Variants in SYT1 observed in about 807,000 individuals in gnomAD.
SYT1 encodes synaptotagmin-1.
In SYT1, 8 loss-of-function variants were observed where a neutral mutation model predicts 44.8. The ratio of observed to expected loss-of-function variants is 0.18; its 90% CI spans 0.10 to 0.32. The LOEUF (loss-of-function observed/expected upper bound fraction) is 0.32. SYT1 is among the 10% of genes least tolerant of loss of function. The pLI is 1.00. For synonymous variants in SYT1, 154 were observed against 188.8 expected (o/e 0.82, Z 1.51); for missense variants, 286 against 509.3 (o/e 0.56, Z 4.22).
intron 3 of SYT1, among the ~76,000 whole-genome samples, chr12:79,204,146 G>A (rs544617213): frequency 6.6e-6 from 1 of 152,182 alleles, no homozygotes; most frequent in Non-Finnish European, 1.5e-5. Flanking sequence ...CCTGACTCAT[G>A]AGGTTTATTT....
intron 3 of SYT1, among the ~76,000 whole-genome samples, chr12:79,117,735 A>G (rs1322277425): frequency 1.5e-5 from 2 of 133,912 alleles, no homozygotes; most frequent in Admixed American, 1.6e-4. Context: ...GGTTGCATAC[A>G]GAAGATTTTC....
intron 1 of SYT1, among the ~76,000 whole-genome samples, chr12:78,902,705 T>A (rs1875731131): frequency 6.6e-6 from 1 of 152,010 alleles, no homozygotes; most frequent in South Asian, 2.1e-4. Flanking sequence ...CATAAGAAAT[T>A]TAAGTTTATT....
intron 1 of SYT1, among the ~76,000 whole-genome samples, chr12:78,934,673 T>C (rs1372570777): frequency 6.6e-6 from 1 of 152,064 alleles, no homozygotes; most frequent in African/African-American, 2.4e-5. Context: ...AAGAAAGAAG[T>C]TGAAGTGGAA....
chr12:79,338,186 T>A (rs1013645985), intron 8 of SYT1, among the ~76,000 whole-genome samples: 9 of 152,104 alleles, frequency 5.9e-5, no homozygotes, highest in Admixed American at 1.3e-4. Flanking sequence ...ACCTACCATC[T>A]TCCCCATTTT....
chr12:79,145,867 C>G (rs1003168362), intron 3 of SYT1, among the ~76,000 whole-genome samples: 2 of 151,254 alleles, frequency 1.3e-5, no homozygotes, highest in Non-Finnish European at 3.0e-5. Flanking sequence ...ACGCCATTCT[C>G]CTGCCTCAGC....
chr12:78,898,611 A>C (rs1402691761), intron 1 of SYT1, among the ~76,000 whole-genome samples: 1 of 151,992 alleles, frequency 6.6e-6, no homozygotes, highest in Non-Finnish European at 1.5e-5. Context: ...AGAATTCATG[A>C]TTGTTTTTTC....
intron 3 of SYT1, 85 bp from the exon 4 acceptor site, chr12:79,217,418 T>G: frequency 8.2e-7 from 1 of 1,215,976 alleles, no homozygotes. Context: ...CCACCTCTGA[T>G]GTTGTTTCAT....
At chr12:79,318,049 A>C (rs1228423899) in intron 8 of SYT1, among the ~76,000 whole-genome samples, 1 of 152,216 alleles carries the variant, frequency 6.6e-6, no homozygotes, top group Non-Finnish European at 1.5e-5. Flanking sequence ...GCTACCAAAA[A>C]TGTATGGTTC....
At chr12:79,011,606 T>C (rs1348761446) in intron 2 of SYT1, among the ~76,000 whole-genome samples, 4 of 151,336 alleles carry the variant, frequency 2.6e-5, no homozygotes, top group Non-Finnish European at 5.9e-5. Context: ...TAGGGAAGAA[T>C]TTTTAAAACA....
At position 79,029,560 on chromosome 12, in the gene SYT1, A is replaced by G. The variant is rs527548488; in HGVS notation, c.-83-17737A>G. ...CTTCTGATTTGGTGATTAATTTAGCATCACTTGTGAAATTAGTGAAATTAA... is the reference window on the plus strand; with the variant it reads ...CTTCTGATTTGGTGATTAATTTAGCGTCACTTGTGAAATTAGTGAAATTAA... On this transcript the variant is annotated intron_variant, in intron 2 of 10. Transcript: ENST00000261205. 6.6e-5 allele frequency among the ~76,000 whole-genome samples: 10 copies of G among 151,304 alleles called. No individual in the cohort carries two copies. In the South Asian group the frequency reaches 2.1e-3, roughly 31 times the overall value.
At chr12:78,997,236 T>C (rs1048220470) in intron 2 of SYT1, among the ~76,000 whole-genome samples, 3 of 152,200 alleles carry the variant, frequency 2.0e-5, no homozygotes, top group Non-Finnish European at 2.9e-5. Context: ...AACAAAAACA[T>C]GGCCCGTGGG....
chr12:79,025,531 C>G (rs935541235), intron 2 of SYT1, among the ~76,000 whole-genome samples: 3 of 151,544 alleles, frequency 2.0e-5, no homozygotes, highest in Non-Finnish European at 4.4e-5. Flanking sequence ...TCGAAGTACA[C>G]TGTGTCAGAT....
Position 79,313,996 on chromosome 12 carries a change from C to T in SYT1, c.810+14445C>T, listed in dbSNP as rs1477203403. Reference sequence around the variant, plus strand: ...CATCCTGGTTAACACGGTGAAACCCCGTCTCTACTAAAAATACAAAAAATT... The same window carrying T: ...CATCCTGGTTAACACGGTGAAACCCTGTCTCTACTAAAAATACAAAAAATT... On this transcript the variant is annotated intron_variant, in intron 8 of 10. Transcript: ENST00000261205. 3.3e-5 allele frequency among the ~76,000 whole-genome samples: 5 copies of T among 150,698 alleles called. 1 individual carries two copies. The highest frequency in any genetic ancestry group is 9.9e-5 in the African/African-American group (4 of 40,524).
chr12:79,223,460 G>A (rs1875297987), intron 4 of SYT1, among the ~76,000 whole-genome samples: 1 of 152,138 alleles, frequency 6.6e-6, no homozygotes, highest in Admixed American at 6.5e-5. Context: ...GTGCAGTGCT[G>A]CCAGAAGCCT....
chr12:79,324,577 A>G (rs1881523311), intron 8 of SYT1, among the ~76,000 whole-genome samples: 1 of 152,180 alleles, frequency 6.6e-6, no homozygotes, highest in Non-Finnish European at 1.5e-5. Context: ...TGTTCAAGAG[A>G]GGCATTTAAT....
chr12:78,882,660 T>C (rs566178664), intron 1 of SYT1, among the ~76,000 whole-genome samples: 1 of 151,906 alleles, frequency 6.6e-6, no homozygotes, highest in African/African-American at 2.4e-5. Context: ...ACATTAAGTT[T>C]GAAAATATTG....
At chr12:78,923,636 A>G (rs940138674) in intron 1 of SYT1, among the ~76,000 whole-genome samples, 2 of 151,840 alleles carry the variant, frequency 1.3e-5, no homozygotes, top group East Asian at 3.9e-4. Context: ...TAACTGCATG[A>G]ACTTCACTGA....
chr12:79,111,329 T>C (rs1878997412), intron 3 of SYT1, among the ~76,000 whole-genome samples: 1 of 151,990 alleles, frequency 6.6e-6, no homozygotes, highest in Non-Finnish European at 1.5e-5. Context: ...CTGCCTTACG[T>C]AGCCTTTCAA....
At chr12:79,179,451 GATATAATCT>G (rs1328048364) in intron 3 of SYT1, among the ~76,000 whole-genome samples, 1 of 58,262 alleles carries the variant, frequency 1.7e-5, no homozygotes, top group African/African-American at 1.1e-4. Flanking sequence ...TATAGATATA[GATATAATCT>G]ATATAGATAT....
Sources: gnomAD v4.1 joint callset for allele counts (sites outside exome capture counted in the v4.1 genomes callset) on GRCh38, gnomAD v4.1.1 for gene constraint, MANE v1.5 for transcripts, NCBI Gene and HGNC (gene_info 2026-07-23, HGNC 2026-07-21) for gene names.